IL1RAPL1: variants seen among roughly 807,000 people sequenced by gnomAD.
IL1RAPL1 encodes the protein interleukin-1 receptor accessory protein-like 1.
In IL1RAPL1, 3 loss-of-function variants were observed where a neutral mutation model predicts 48.4. The observed-to-expected ratio is 0.06, with a 90% confidence interval of 0.03 to 0.16. The LOEUF (loss-of-function observed/expected upper bound fraction) is 0.16, where lower values mean the gene tolerates loss of function less well. IL1RAPL1 is among the 10% of genes least tolerant of loss of function. The pLI is 1.00. For synonymous variants in IL1RAPL1, 185 were observed against 187.7 expected (o/e 0.99, Z 0.12); for missense variants, 349 against 530.6 (o/e 0.66, Z 3.36).
At chrX:28,765,888 T>C (rs1936230857) in intron 1 of IL1RAPL1, among the ~76,000 whole-genome samples, 1 of 111,692 alleles carries the variant, frequency 9.0e-6, no homozygotes, top group African/African-American at 3.2e-5. Flanking sequence ...AAAATTGACA[T>C]GAAGAATCTT....
intron 3 of IL1RAPL1, among the ~76,000 whole-genome samples, chrX:29,303,217 C>G (rs1325714680): frequency 9.0e-6 from 1 of 111,555 alleles, no homozygotes; most frequent in African/African-American, 3.3e-5. Context: ...AGCTAAAGAA[C>G]TAACAAGATG....
In IL1RAPL1 at chrX:29,415,419, G is replaced by GT. The variant is rs1267597289; in HGVS notation, c.703+16122dup. On this transcript the variant is annotated intron_variant, in intron 5 of 10. Coordinates refer to ENST00000378993, the MANE Select transcript of IL1RAPL1 (RefSeq NM_014271.4). ...TGGATAGAGAATTATTAACCATTTT[G>GT]TTTTTTTTTTTCTTTTTTGAGACAG... is the stretch of plus-strand genomic sequence containing the variant. Among the ~76,000 whole-genome samples the GT allele has an allele frequency of 7.1e-3, 732 of 103,447 alleles. 5 individuals carry two copies. The highest frequency in any genetic ancestry group is 0.016 in the African/African-American group (455 of 28,730). 89.8% of individuals were successfully genotyped at this position (103,447 alleles called of 115,157 possible).
chrX:29,213,448 G>A (rs777852604), intron 2 of IL1RAPL1, among the ~76,000 whole-genome samples: 2 of 112,858 alleles, frequency 1.8e-5, no homozygotes, highest in African/African-American at 3.2e-5. Flanking sequence ...TAACCGGAAT[G>A]TTCCTCTTTA....
In IL1RAPL1 at chrX:29,956,280, T is replaced by C. The variant is rs2147259666; in HGVS notation, c.*460T>C. The C allele has an allele frequency of 9.2e-6, 1 of 109,051 alleles. No homozygotes were observed. Among genetic ancestry groups the C allele is most frequent in the Non-Finnish European group, 1.8e-5 (1 of 56,322 alleles). The allele number at this position is 109,051 out of a possible 1,213,427, so 9.0% of individuals were successfully genotyped here. On this transcript the variant is annotated 3_prime_UTR_variant, in exon 11 of 11. Transcript: ENST00000378993. ...TCTGCCTAGCATCAACTGGGCCACG[T>C]CGGCCTTCAGAGAACAGTGCAACAA... is the stretch of plus-strand genomic sequence containing the variant.
intron 2 of IL1RAPL1, among the ~76,000 whole-genome samples, chrX:28,858,510 T>A (rs1282565823): frequency 1.8e-5 from 2 of 112,142 alleles, no homozygotes; most frequent in African/African-American, 6.5e-5. Flanking sequence ...CCACCAACAT[T>A]GAGGCAAGAC....
At chrX:29,860,307 C>A (rs143461645) in intron 6 of IL1RAPL1, among the ~76,000 whole-genome samples, 1 of 111,856 alleles carries the variant, frequency 8.9e-6, no homozygotes, top group Admixed American at 9.5e-5. Context: ...GCATATGATG[C>A]GGCTTGTAAA....
chrX:29,129,588 A>ATTTTTTTTTTTTTTTTTTT (rs754196116), intron 2 of IL1RAPL1, among the ~76,000 whole-genome samples: 1 of 59,870 alleles, frequency 1.7e-5, no homozygotes, highest in African/African-American at 6.9e-5. Flanking sequence ...AATAATGTAA[A>ATTTTTTTTTTTTTTTTTTT]TTTTTTTTTT....
chrX:29,100,543 T>C (rs1928313609), intron 2 of IL1RAPL1, among the ~76,000 whole-genome samples: 1 of 111,951 alleles, frequency 8.9e-6, no homozygotes, highest in Non-Finnish European at 1.9e-5. Flanking sequence ...TCAGTTAGTT[T>C]ACATACTAAG....
intron 3 of IL1RAPL1, among the ~76,000 whole-genome samples, chrX:29,305,802 T>C (rs1054192310): frequency 8.9e-6 from 1 of 111,775 alleles, no homozygotes; most frequent in African/African-American, 3.3e-5. Context: ...TATGGAAATA[T>C]TGCATCAAAG....
chrX:29,894,251 AT>A (rs1489783762), intron 6 of IL1RAPL1, among the ~76,000 whole-genome samples: 1 of 112,114 alleles, frequency 8.9e-6, no homozygotes, highest in Admixed American at 9.5e-5. Context: ...AAATTATTTC[AT>A]TTTCTTAAAA....
At chrX:29,129,588 ATTTTTTTTTTTT>A (rs754196116) in intron 2 of IL1RAPL1, among the ~76,000 whole-genome samples, 4 of 59,870 alleles carry the variant, frequency 6.7e-5, no homozygotes, top group Non-Finnish European at 1.1e-4. Flanking sequence ...AATAATGTAA[ATTTTTTTTTTTT>A]TTTTTTTTTT....
At chrX:28,760,465 G>C (rs1301307268) in intron 1 of IL1RAPL1, among the ~76,000 whole-genome samples, 1 of 111,902 alleles carries the variant, frequency 8.9e-6, no homozygotes, top group African/African-American at 3.2e-5. Context: ...CTTTATCTTA[G>C]ATTAGTGAAT....
intron 3 of IL1RAPL1, among the ~76,000 whole-genome samples, chrX:29,341,221 T>C (rs1933069845): frequency 9.0e-6 from 1 of 111,690 alleles, no homozygotes; most frequent in Non-Finnish European, 1.9e-5. Flanking sequence ...ACCACCCCCT[T>C]CTGGAAAATA....
chrX:29,585,147 C>A (rs1923114986), intron 5 of IL1RAPL1, among the ~76,000 whole-genome samples: 1 of 111,895 alleles, frequency 8.9e-6, no homozygotes, highest in Non-Finnish European at 1.9e-5. Flanking sequence ...TACAACAGAT[C>A]TTTATCTTAT....
intron 2 of IL1RAPL1, among the ~76,000 whole-genome samples, chrX:29,230,527 A>AACAAAAC (rs1328931071): frequency 3.2e-4 from 32 of 98,775 alleles, no homozygotes; most frequent in African/African-American, 1.1e-3. Flanking sequence ...AAAAAAAAAA[A>AACAAAAC]AAAAAAAACC....
At chrX:28,931,057 C>T (rs1414892971) in intron 2 of IL1RAPL1, among the ~76,000 whole-genome samples, 1 of 111,060 alleles carries the variant, frequency 9.0e-6, no homozygotes, top group African/African-American at 3.3e-5. Flanking sequence ...AATGTGTATG[C>T]AGATAACAGT....
chrX:28,906,746 T>G (rs2147329507), intron 2 of IL1RAPL1, among the ~76,000 whole-genome samples: 1 of 112,082 alleles, frequency 8.9e-6, no homozygotes, highest in African/African-American at 3.2e-5. Context: ...TCTTTTCATT[T>G]TTTTCATTTA....
chrX:29,690,645 A>G lies in IL1RAPL1; in HGVS notation c.778+22141A>G, dbSNP rs763385706. 6.2e-5 allele frequency among the ~76,000 whole-genome samples: 7 copies of G among 112,337 alleles called. No individual in the cohort carries two copies. In the East Asian group the frequency reaches 1.9e-3, roughly 31 times the overall value. ...ACTGTTGTATCCTGAAAACAAAAGT[A>G]TTTCTATGAGTTTTACTGTAATCCT... On this transcript the variant is annotated intron_variant, in intron 6 of 10. Coordinates refer to ENST00000378993, the MANE Select transcript of IL1RAPL1 (RefSeq NM_014271.4).
chrX:29,148,653 A>G (rs1254546542), intron 2 of IL1RAPL1, among the ~76,000 whole-genome samples: 1 of 110,818 alleles, frequency 9.0e-6, no homozygotes, highest in East Asian at 2.8e-4. Flanking sequence ...CTTGGCAACA[A>G]AAACCACATT....
Sources: gnomAD v4.1 joint callset for allele counts (sites outside exome capture counted in the v4.1 genomes callset) on GRCh38, gnomAD v4.1.1 for gene constraint, MANE v1.5 for transcripts, NCBI Gene and HGNC (gene_info 2026-07-23, HGNC 2026-07-21) for gene names.